MID1: variants seen among roughly 807,000 people sequenced by gnomAD.
The protein encoded by MID1 is E3 ubiquitin-protein ligase Midline-1.
A neutral mutation model predicts 40.4 loss-of-function variants in MID1; 7 were observed. The ratio of observed to expected loss-of-function variants is 0.17; its 90% CI spans 0.10 to 0.33. MID1 has a LOEUF of 0.33. MID1 is among the 10% of genes least tolerant of loss of function. MID1 has a pLI of 1.00. For synonymous variants in MID1, 229 were observed against 221.2 expected (o/e 1.04, Z -0.31); for missense variants, 367 against 558.5 (o/e 0.66, Z 3.46).
chrX:10,739,764 C>T (rs889807543), intron 1 of MID1, among the ~76,000 whole-genome samples: 2 of 111,748 alleles, frequency 1.8e-5, no homozygotes, highest in African/African-American at 3.3e-5. Context: ...TGTCCTGACA[C>T]CATGGAGAAA....
chrX:10,723,578 G>C (rs2043371269), intron 1 of MID1, among the ~76,000 whole-genome samples: 1 of 113,248 alleles, frequency 8.8e-6, no homozygotes, highest in Non-Finnish European at 1.9e-5. Flanking sequence ...TTGAGACGGA[G>C]TCTCGCTCTG....
chrX:10,623,089 A>C (rs1935953882), upstream of MID1, among the ~76,000 whole-genome samples: 1 of 104,385 alleles, frequency 9.6e-6, no homozygotes, highest in Non-Finnish European at 2.0e-5. Context: ...TCTACAAAAA[A>C]AAAAAAAAAA....
At chrX:10,552,878 T>G (rs1441303968) in intron 2 of MID1, among the ~76,000 whole-genome samples, 1 of 112,058 alleles carries the variant, frequency 8.9e-6, no homozygotes, top group African/African-American at 3.2e-5. Flanking sequence ...TAGTTTTGTT[T>G]TTTTTCCCTT....
chrX:10,513,828 A>T (rs1036408044), intron 3 of MID1, among the ~76,000 whole-genome samples: 1 of 112,258 alleles, frequency 8.9e-6, no homozygotes, highest in African/African-American at 3.2e-5. Context: ...TATTTTAAAA[A>T]ATGTATCACT....
At chrX:10,547,511 G>A (rs1168857978) in intron 2 of MID1, among the ~76,000 whole-genome samples, 1 of 100,470 alleles carries the variant, frequency 1.0e-5, no homozygotes, top group African/African-American at 3.7e-5. Context: ...AGCAGAGGTT[G>A]CGGTGAGCCG....
At chrX:10,806,983 C>T (rs1260834472) in intron 1 of MID1, among the ~76,000 whole-genome samples, 1 of 112,107 alleles carries the variant, frequency 8.9e-6, no homozygotes, top group African/African-American at 3.2e-5. Flanking sequence ...GTAGCTCACG[C>T]CTGTAATCCC....
At chrX:10,792,181 A>C (rs909136692) in intron 1 of MID1, among the ~76,000 whole-genome samples, 3 of 112,284 alleles carry the variant, frequency 2.7e-5, no homozygotes, top group Admixed American at 9.5e-5. Flanking sequence ...CATAGACAAT[A>C]TGTAAATGAA....
intron 2 of MID1, among the ~76,000 whole-genome samples, chrX:10,561,976 C>A (rs779683758): frequency 1.6e-4 from 17 of 106,884 alleles, no homozygotes; most frequent in Non-Finnish European, 2.7e-4. Context: ...AACCCAAATG[C>A]CCACCAATGA....
chrX:10,692,851 T>C (rs1271180178), intron 1 of MID1, among the ~76,000 whole-genome samples: 1 of 111,613 alleles, frequency 9.0e-6, no homozygotes, highest in Non-Finnish European at 1.9e-5. Context: ...TGGCTCACCT[T>C]CAACATGTTG....
chrX:10,521,941 G>A (rs1932731806), intron 3 of MID1, among the ~76,000 whole-genome samples: 2 of 111,963 alleles, frequency 1.8e-5, no homozygotes, highest in African/African-American at 6.5e-5. Flanking sequence ...CCAGGCTTGG[G>A]TGATCCTCCC....
At chrX:10,525,965 G>T (rs1932822344) in intron 2 of MID1, among the ~76,000 whole-genome samples, 1 of 111,899 alleles carries the variant, frequency 8.9e-6, no homozygotes, top group Admixed American at 9.5e-5. Flanking sequence ...TTTCATTTCC[G>T]GTCCTTGGAG....
At chrX:10,558,210 C>T (rs1364875072) in intron 2 of MID1, among the ~76,000 whole-genome samples, 1 of 111,498 alleles carries the variant, frequency 9.0e-6, no homozygotes, top group Admixed American at 9.5e-5. Flanking sequence ...CCATTTGGCA[C>T]CCTGTGCTCT....
At chrX:10,479,404 G>T (rs1930195627) in intron 5 of MID1, among the ~76,000 whole-genome samples, 1 of 110,619 alleles carries the variant, frequency 9.0e-6, no homozygotes, top group African/African-American at 3.3e-5. Context: ...ATTGACTATA[G>T]TCACCCTATT....
At chrX:10,812,070 C>T (rs1248476919) in intron 1 of MID1, among the ~76,000 whole-genome samples, 2 of 111,314 alleles carry the variant, frequency 1.8e-5, no homozygotes, top group Non-Finnish European at 3.8e-5. Context: ...GAATCAATGC[C>T]ATAAGAAATA....
At chrX:10,554,453 T>C (rs1415933323) in intron 2 of MID1, among the ~76,000 whole-genome samples, 1 of 112,244 alleles carries the variant, frequency 8.9e-6, no homozygotes, top group Non-Finnish European at 1.9e-5. Flanking sequence ...TCTAGAGGTA[T>C]GGAAGCAGCC....
At chrX:10,463,630 G>C (rs146802912) in intron 7 of MID1, among the ~76,000 whole-genome samples, 3,479 of 112,278 alleles carry the variant, frequency 0.031, 92 homozygotes, top group African/African-American at 0.078. Flanking sequence ...GGTGAGTACA[G>C]TCCGTATTTT....
chrX:10,515,896 A>G (rs954613970), intron 3 of MID1, among the ~76,000 whole-genome samples: 6 of 112,573 alleles, frequency 5.3e-5, no homozygotes, highest in African/African-American at 1.6e-4. Context: ...CTTAGCTAAT[A>G]AACTGTGTCT....
chrX:10,566,483 G>C (rs751129715), intron 2 of MID1, among the ~76,000 whole-genome samples: 6 of 98,345 alleles, frequency 6.1e-5, no homozygotes, highest in Non-Finnish European at 1.2e-4. Flanking sequence ...CCCAAAGCCA[G>C]ATTTTATCTG....
At chrX:10,749,752 G>C (rs1488746688) in intron 1 of MID1, among the ~76,000 whole-genome samples, 1 of 111,045 alleles carries the variant, frequency 9.0e-6, no homozygotes, top group Non-Finnish European at 1.9e-5. Flanking sequence ...GAAAGAGGGA[G>C]AGGCAGGGAG....
Sources: allele counts gnomAD v4.1 joint callset (sites outside exome capture counted in the v4.1 genomes callset), GRCh38; gene constraint gnomAD v4.1.1; transcripts MANE v1.5; gene names NCBI Gene and HGNC (gene_info 2026-07-23, HGNC 2026-07-21).